GOLGA5: variants seen among roughly 807,000 people sequenced by gnomAD.
GOLGA5 encodes the protein golgin subfamily A member 5.
A neutral mutation model predicts 93.5 loss-of-function variants in GOLGA5; 50 were observed. The ratio of observed to expected loss-of-function variants is 0.53; its 90% confidence interval spans 0.43 to 0.68. GOLGA5 has a LOEUF of 0.68. GOLGA5 is among the 30% of genes least tolerant of loss of function. GOLGA5 has a pLI of 0.00. For missense variants in GOLGA5, 760 were observed against 856.4 expected, an observed-to-expected ratio of 0.89 and a Z score of 1.40; for synonymous variants, 312 against 304.5, an observed-to-expected ratio of 1.02 and a Z score of -0.26.
In GOLGA5 at chr14:92,837,441, A is replaced by G; in HGVS notation, c.2107A>G (p.Ile703Val). The G allele has an allele frequency of 7.2e-7, 1 of 1,391,216 alleles. No homozygotes were observed. The highest frequency in any genetic ancestry group is 1.0e-6 in the Non-Finnish European group (1 of 980,566). The allele number at this position is 1,391,216 out of a possible 1,614,324, so 86.2% of individuals were successfully genotyped here. ...CCCCATAGCGCGAGTTTTTGTAATTATATATATGGTAAGTAAATTTATTTG... is the reference window on the plus strand; with the variant it reads ...CCCCATAGCGCGAGTTTTTGTAATTGTATATATGGTAAGTAAATTTATTTG... Reference protein sequence around the residue: ...RYPIARVFVIIYMALLHLWVM... With the variant: ...RYPIARVFVIVYMALLHLWVM... Residue 703 changes from isoleucine to valine, a missense_variant, in exon 12 of 13, where the codon ATA (isoleucine) becomes GTA (valine). Ile to Val is a conservative substitution (Grantham distance 29, BLOSUM62 3). Transcript: ENST00000163416.
intron 9 of GOLGA5, 79 bp from the exon 10 acceptor site, chr14:92,833,043 A>G (rs1436008128): frequency 1.2e-6 from 1 of 800,030 alleles, no homozygotes; most frequent in Non-Finnish European, 2.2e-6. Flanking sequence ...CAATTTACCT[A>G]TGAAAATGTA....
At chr14:92,813,834 G>A (rs1885150050) in intron 6 of GOLGA5, among the ~76,000 whole-genome samples, 2 of 152,146 alleles carry the variant, frequency 1.3e-5, no homozygotes, top group Non-Finnish European at 2.9e-5. Context: ...AAGAAATAAT[G>A]AGGACCTGAT....
chr14:92,823,108 A>T (rs185729951), intron 8 of GOLGA5, among the ~76,000 whole-genome samples: 2 of 152,206 alleles, frequency 1.3e-5, no homozygotes, highest in African/African-American at 4.8e-5. Flanking sequence ...CTTGCATATA[A>T]ATCTTTGATT....
chr14:92,803,362 G>A (rs1200979988), intron 2 of GOLGA5, among the ~76,000 whole-genome samples: 3 of 152,106 alleles, frequency 2.0e-5, no homozygotes, highest in East Asian at 1.9e-4. Flanking sequence ...AAGCGAAATC[G>A]GCCTGCGATA....
rs71123379 is a variant in GOLGA5 at position 92,796,976 on chromosome 14, C to CA, written c.-30-410dup. Among the ~76,000 whole-genome samples, 268 of 73,574 alleles carry CA rather than the reference C, an allele frequency of 3.6e-3. 1 individual carries two copies. The highest frequency in any genetic ancestry group is 7.7e-3 in the Middle Eastern group (1 of 130). The allele number at this position is 73,574 out of a possible 152,430, so 48.3% of individuals were successfully genotyped here. A position where few individuals can be genotyped will look rare whatever the true frequency, so the allele number is the denominator to read the frequency against. ...TGGGCGACAGAGCGAGACTCCGTCT[C>CA]AAAAAAAAAAAAAAAAAAAAAAGAT... On this transcript the variant is annotated intron_variant, in intron 1 of 12. Transcript: ENST00000163416.
chr14:92,838,058 AT>A (rs1885683140), intron 12 of GOLGA5, among the ~76,000 whole-genome samples: 1 of 152,154 alleles, frequency 6.6e-6, no homozygotes, highest in African/African-American at 2.4e-5. Flanking sequence ...ATACAAAACA[AT>A]TTTTTATCTT....
At chr14:92,796,930 A>C (rs1884743145) in intron 1 of GOLGA5, among the ~76,000 whole-genome samples, 1 of 109,138 alleles carries the variant, frequency 9.2e-6, no homozygotes, top group Non-Finnish European at 1.7e-5. Context: ...AGATTGCGCC[A>C]CTGCAGTCCG....
intron 2 of GOLGA5, among the ~76,000 whole-genome samples, chr14:92,803,163 G>A (rs1884909977): frequency 1.3e-5 from 2 of 152,102 alleles, no homozygotes; most frequent in South Asian, 4.1e-4. Context: ...AGCCTCAATA[G>A]TAACTGAGAC....
At chr14:92,794,891 G>GTA (rs1473252458) in intron 1 of GOLGA5, among the ~76,000 whole-genome samples, 2 of 66,942 alleles carry the variant, frequency 3.0e-5, no homozygotes, top group African/African-American at 1.5e-4. Context: ...CCCATCCCAC[G>GTA]CACTCTCTGC....
chr14:92,826,894 T>C (rs1400297948), intron 9 of GOLGA5, among the ~76,000 whole-genome samples: 1 of 152,122 alleles, frequency 6.6e-6, no homozygotes, highest in South Asian at 2.1e-4. Context: ...ATTTTGAGGC[T>C]GACAGATTTC....
chr14:92,827,886 A>T (rs1885454484), intron 9 of GOLGA5, among the ~76,000 whole-genome samples: 1 of 152,250 alleles, frequency 6.6e-6, no homozygotes, highest in Non-Finnish European at 1.5e-5. Context: ...CCGAAGCCTA[A>T]TCCAGAGCAA....
At chr14:92,819,532 T>G (rs1885272688) in intron 7 of GOLGA5, among the ~76,000 whole-genome samples, 176 bp from the exon 8 acceptor site, 1 of 151,612 alleles carries the variant, frequency 6.6e-6, no homozygotes. Flanking sequence ...CTCGGGAGGC[T>G]GATGTGGGAG....
chr14:92,795,864 A>C (rs1319131653), intron 1 of GOLGA5, among the ~76,000 whole-genome samples: 1 of 152,270 alleles, frequency 6.6e-6, no homozygotes, highest in African/African-American at 2.4e-5. Context: ...ACCAAGAACA[A>C]GAAAGTTAAC....
At chr14:92,827,256 G>T (rs1278649932) in intron 9 of GOLGA5, among the ~76,000 whole-genome samples, 1 of 152,164 alleles carries the variant, frequency 6.6e-6, no homozygotes, top group East Asian at 1.9e-4. Flanking sequence ...TGGCAACCCT[G>T]CATCAAGCAA....
chr14:92,817,259 T>G (rs1885230248), intron 7 of GOLGA5, among the ~76,000 whole-genome samples: 1 of 152,172 alleles, frequency 6.6e-6, no homozygotes, highest in African/African-American at 2.4e-5. Context: ...AATCCATAAG[T>G]TGACCATAAA....
rs781197726 is a variant in GOLGA5, at chr14:92,839,396, C to T, written c.2146C>T (p.Leu716=). The change falls in exon 13 of 13, where the codon CTG becomes TTG. Residue 716 remains leucine (L), a synonymous_variant. Coordinates refer to ENST00000163416, the MANE Select transcript of GOLGA5 (RefSeq NM_005113.4). ...ALLHLWVMIV[L]LTYTPEMHHD... is the part of the protein sequence containing the mutation. ...GCTTCACCTCTGGGTCATGATTGTT[C>T]TGTTGACTTACACACCAGAAATGCA... 3.1e-6 allele frequency: 5 copies of T among 1,612,646 alleles called. No individual in the cohort carries two copies. Among genetic ancestry groups the T allele is most frequent in the Non-Finnish European group, 3.4e-6 (4 of 1,179,232 alleles).
chr14:92,812,807 TC>T (rs946855136), intron 6 of GOLGA5, among the ~76,000 whole-genome samples: 24 of 152,286 alleles, frequency 1.6e-4, no homozygotes, highest in Middle Eastern at 3.4e-3. Flanking sequence ...CTTCCCAATC[TC>T]CAAAGAGTCA....
rs1885102216 is a variant in GOLGA5 at position 92,811,555 on chromosome 14, A to T, written c.1121A>T (p.Glu374Val). The change falls in exon 6 of 13, where the codon GAG (glutamate) becomes GTG (valine). Residue 374 changes from glutamate to valine, a missense_variant. Coordinates refer to ENST00000163416, the MANE Select transcript of GOLGA5 (RefSeq NM_005113.4). ...TGATATAAAAATTTGTCACAGAGCGAGTTTGCTGCACGCCTTAATAAAGTG... is the reference window on the plus strand; with the variant it reads ...TGATATAAAAATTTGTCACAGAGCGTGTTTGCTGCACGCCTTAATAAAGTG... ...EQESYKQMQS[E>V]FAARLNKVEM... 1 of 1,603,336 alleles carries T rather than the reference A, an allele frequency of 6.2e-7. No homozygotes were observed. The highest frequency in any genetic ancestry group is 2.2e-5 in the East Asian group (1 of 44,842).
chr14:92,817,085 C>A (rs1248112527), intron 7 of GOLGA5, among the ~76,000 whole-genome samples: 1 of 151,930 alleles, frequency 6.6e-6, no homozygotes, highest in Non-Finnish European at 1.5e-5. Context: ...GGATTACAGA[C>A]GTGCGCCACC....
Sources: gnomAD v4.1 joint callset for allele counts (sites outside exome capture counted in the v4.1 genomes callset) on GRCh38, gnomAD v4.1.1 for gene constraint, MANE v1.5 for transcripts, NCBI Gene and HGNC (gene_info 2026-07-23, HGNC 2026-07-21) for gene names.